Variants in ZFR2 observed in about 807,000 individuals in gnomAD.
ZFR2 encodes zinc finger RNA-binding protein 2.
In ZFR2, 104 loss-of-function variants were observed where a neutral mutation model predicts 105.7. That is an observed-to-expected ratio of 0.98 (90% CI 0.84 to 1.16). The LOEUF is 1.16. Among genes scored for constraint, ZFR2 ranks in the 50% most tolerant of loss-of-function variants. ZFR2 has a pLI of 0.00. For missense variants in ZFR2, 1,425 were observed against 1,355.5 expected, an observed-to-expected ratio of 1.05 and a Z score of -0.80; for synonymous variants, 634 against 597.7, an observed-to-expected ratio of 1.06 and a Z score of -0.89.
intron 14 of ZFR2, among the ~76,000 whole-genome samples, chr19:3,812,949 C>T (rs981826707): frequency 9.2e-5 from 14 of 152,196 alleles, no homozygotes; most frequent in Admixed American, 3.9e-4. Flanking sequence ...GGTATAGTGG[C>T]GCACACCTGT....
At chr19:3,809,072 G>GC (rs1196736088) in intron 16 of ZFR2, 89 bp from the exon 17 acceptor site, 13 of 951,142 alleles carry the variant, frequency 1.4e-5, no homozygotes, top group Non-Finnish European at 1.9e-5. Context: ...GGGACAGGAG[G>GC]CCCCCCTCAG....
chr19:3,822,902 G>C (rs2037910780), intron 8 of ZFR2, among the ~76,000 whole-genome samples: 1 of 152,186 alleles, frequency 6.6e-6, no homozygotes. Flanking sequence ...CCCAGGAAAG[G>C]GGCTAGACAG....
At position 3,810,755 on chromosome 19, in the gene ZFR2, C is replaced by T; in HGVS notation, c.2428G>A (p.Ala810Thr). The T allele has an allele frequency of 6.5e-7, 1 of 1,549,330 alleles. No homozygotes were observed. The highest frequency in any genetic ancestry group is 2.4e-5 in the East Asian group (1 of 40,870). Residue 810 changes from alanine (A) to threonine (T), a missense_variant, in exon 16 of 19, where the codon GCC becomes ACC. By Grantham distance (58) the Ala-to-Thr change is moderately conservative. Coordinates refer to ENST00000262961, the MANE Select transcript of ZFR2 (RefSeq NM_015174.2). ...RRVPTWGALP[A>T]WAMELLVEKA... Reference sequence around the variant, plus strand: ...GCCGCCAGGCACTGCCTTACCCAGGCTGGCAGGGCCCCCCAGGTGGGCACA... The same window carrying T: ...GCCGCCAGGCACTGCCTTACCCAGGTTGGCAGGGCCCCCCAGGTGGGCACA...
At chr19:3,862,984 G>C (rs2038389622) in intron 1 of ZFR2, among the ~76,000 whole-genome samples, 1 of 152,302 alleles carries the variant, frequency 6.6e-6, no homozygotes, top group Non-Finnish European at 1.5e-5. Flanking sequence ...GGGGCTTTTT[G>C]GACCTGGTGG....
At position 3,807,168 on chromosome 19, in the gene ZFR2, C is replaced by T. The variant is rs554178910; in HGVS notation, c.2643+4G>A. 18 of 1,551,508 alleles carry T rather than the reference C, an allele frequency of 1.2e-5. No individual in the cohort carries two copies. In the East Asian group the frequency reaches 3.9e-4, roughly 34 times the overall value. On this transcript the variant is annotated splice_donor_region_variant and intron_variant, in intron 18 of 18. Coordinates refer to ENST00000262961, the MANE Select transcript of ZFR2 (RefSeq NM_015174.2). The stretch of plus-strand genomic sequence containing the variant: ...TCACCCTTGCCGTGACTTGACCCTC[C>T]TACCTGGGCGCTGGCGGTCACGTCT...
chr19:3,857,483 T>C (rs546836635), intron 1 of ZFR2, among the ~76,000 whole-genome samples: 1 of 147,098 alleles, frequency 6.8e-6, no homozygotes, highest in Non-Finnish European at 1.5e-5. Flanking sequence ...GGTGGGCGGA[T>C]CACTTGAGGC....
chr19:3,837,464 A>G (rs563957496), intron 1 of ZFR2, among the ~76,000 whole-genome samples: 54 of 150,008 alleles, frequency 3.6e-4, no homozygotes, highest in African/African-American at 1.2e-3. Context: ...CACCATGACT[A>G]TGGGACACTC....
At chr19:3,836,229 G>T (rs1477548315) in intron 1 of ZFR2, among the ~76,000 whole-genome samples, 5 of 152,168 alleles carry the variant, frequency 3.3e-5, no homozygotes, top group Non-Finnish European at 7.3e-5. Context: ...GTTCAGTACA[G>T]ATGCATTTTT....
At chr19:3,846,526 AG>A (rs1387088291) in intron 1 of ZFR2, among the ~76,000 whole-genome samples, 8 of 152,248 alleles carry the variant, frequency 5.3e-5, no homozygotes, top group African/African-American at 1.9e-4. Context: ...TATGGTAGGC[AG>A]GCTTCCATCT....
At chr19:3,826,582 C>G (rs146742464) in intron 6 of ZFR2, among the ~76,000 whole-genome samples, 1 of 151,926 alleles carries the variant, frequency 6.6e-6, no homozygotes, top group Non-Finnish European at 1.5e-5. Flanking sequence ...ATTACAGGCA[C>G]GCACCCACCA....
chr19:3,827,599 T>A lies in ZFR2; in HGVS notation c.907A>T (p.Lys303Ter). The A allele has an allele frequency of 6.3e-7, 1 of 1,579,128 alleles. No individual in the cohort carries two copies. Among genetic ancestry groups the A allele is most frequent in the Admixed American group, 1.8e-5 (1 of 55,106 alleles). ...QKHRKKEAAQ[K>*]TGVQPNGSPR... The stretch of plus-strand genomic sequence containing the variant: ...CTCCCGTTGGGCTGCACGCCTGTCT[T>A]CTGGGCCGCCTCCTTCTTTCTGTGC... The change falls in exon 6 of 19, where the codon AAG becomes TAG. Residue 303 changes from lysine to a stop codon, truncating the protein, a stop_gained. Transcript: ENST00000262961. LOFTEE classifies it high-confidence loss of function.
At chr19:3,846,638 G>A (rs554692758) in intron 1 of ZFR2, among the ~76,000 whole-genome samples, 4 of 152,278 alleles carry the variant, frequency 2.6e-5, no homozygotes, top group East Asian at 1.9e-4. Flanking sequence ...AAACTGTCCC[G>A]ATTCATTCAC....
chr19:3,847,014 C>G (rs1295821549), intron 1 of ZFR2, among the ~76,000 whole-genome samples: 1 of 152,230 alleles, frequency 6.6e-6, no homozygotes, highest in Non-Finnish European at 1.5e-5. Flanking sequence ...GGATCTGCTT[C>G]CAAGATGCCT....
chr19:3,821,250 C>T, intron 10 of ZFR2, 90 bp downstream of exon 10: 2 of 1,399,032 alleles, frequency 1.4e-6, no homozygotes, highest in Admixed American at 5.5e-5. Context: ...CACGGAGGAG[C>T]TCCGTAATCT....
In ZFR2 at chr19:3,804,200, T is replaced by C. The variant is rs1337950943; in HGVS notation, c.*1749A>G. Reference sequence around the variant, plus strand: ...TTCTCATTCAATGCCACTGGGCAGCTGGCCAAAGAAAAAAAAACTGACCAA... The same window carrying C: ...TTCTCATTCAATGCCACTGGGCAGCCGGCCAAAGAAAAAAAAACTGACCAA... On this transcript the variant is annotated 3_prime_UTR_variant, in exon 19 of 19. Coordinates refer to ENST00000262961, the MANE Select transcript of ZFR2 (RefSeq NM_015174.2). 6.6e-6 allele frequency: 1 copy of C among 152,174 alleles called. No individual in the cohort carries two copies. The highest frequency in any genetic ancestry group is 1.5e-5 in the Non-Finnish European group (1 of 68,116). The allele number at this position is 152,174 out of a possible 1,614,324, so 9.4% of individuals were successfully genotyped here. A position where few individuals can be genotyped will look rare whatever the true frequency, so the allele number is the denominator to read the frequency against.
chr19:3,846,052 C>T (rs1318445883), intron 1 of ZFR2, among the ~76,000 whole-genome samples: 2 of 152,264 alleles, frequency 1.3e-5, no homozygotes, highest in East Asian at 1.9e-4. Context: ...TCTTGGCTCA[C>T]TGCAACCTCT....
chr19:3,823,521 C>T lies in ZFR2; in HGVS notation c.1214-118G>A. The T allele has an allele frequency of 1.9e-6, 2 of 1,045,372 alleles. No homozygotes were observed. The highest frequency in any genetic ancestry group is 5.6e-5 in the Admixed American group (2 of 35,774). The allele number at this position is 1,045,372 out of a possible 1,614,324, so 64.8% of individuals were successfully genotyped here. A position where few individuals can be genotyped will look rare whatever the true frequency, so the allele number is the denominator to read the frequency against. On this transcript the variant is annotated intron_variant, in intron 7 of 18. Transcript: ENST00000262961. The surrounding 1 kb of genome is among the most constrained non-coding windows in gnomAD (Gnocchi z 5.4). ...AGACTGCAGGCTGTGCCATCCCCCT[C>T]CCTCCTGTGATGTCAGGGGGAATGG...
chr19:3,805,967 G>A lies in ZFR2; in HGVS notation c.2802C>T (p.Gly934=), dbSNP rs537031459. ...AGGCGGCTCACACGAGCCCCTCTCC[G>A]CCCCGCCGGCCCCGCTTCTTCTCCC... The part of the protein sequence containing the change: ...GAGEKKRGRR[G]GEGLV Residue 934 remains glycine, a synonymous_variant, in exon 19 of 19, where the codon GGC becomes GGT. Coordinates refer to ENST00000262961, the MANE Select transcript of ZFR2 (RefSeq NM_015174.2). 3.2e-5 allele frequency: 49 copies of A among 1,535,724 alleles called. No homozygotes were observed. The highest frequency in any genetic ancestry group is 2.0e-4 in the Middle Eastern group (1 of 4,968).
intron 1 of ZFR2, among the ~76,000 whole-genome samples, chr19:3,847,797 C>T (rs984966369): frequency 2.6e-5 from 4 of 152,206 alleles, no homozygotes; most frequent in African/African-American, 9.6e-5. Context: ...CTGAGCCCTA[C>T]ACCACCCACA....
Sources: gnomAD v4.1 joint callset for allele counts (sites outside exome capture counted in the v4.1 genomes callset) on GRCh38, gnomAD v4.1.1 for gene constraint, Gnocchi (gnomAD v3.1) non-coding constraint, MANE v1.5 for transcripts, NCBI Gene and HGNC (gene_info 2026-07-23, HGNC 2026-07-21) for gene names.